The following USO1 variants were observed in gnomAD, a reference collection of about 807,000 sequenced individuals.
USO1 encodes the protein general vesicular transport factor p115.
Under a neutral mutation model 124.5 loss-of-function variants are expected in USO1, and 57 were observed. The ratio of observed to expected loss-of-function variants is 0.46; its 90% CI spans 0.37 to 0.57. The LOEUF is 0.57. Ranked by LOEUF, USO1 falls within the 20% of genes least tolerant of loss-of-function variation. The pLI is 0.00. For synonymous variants in USO1, 369 were observed against 362.8 expected, an observed-to-expected ratio of 1.02 and a Z score of -0.19; for missense variants, 900 against 1,040.6, an observed-to-expected ratio of 0.86 and a Z score of 1.86.
At position 75,813,394 on chromosome 4, in the gene USO1, G is replaced by A. The variant is rs998419244; in HGVS notation, c.*99G>A. 7.7e-7 allele frequency: 1 copy of A among 1,299,162 alleles called. No homozygotes were observed. Among genetic ancestry groups the A allele is most frequent in the Non-Finnish European group, 1.0e-6 (1 of 989,560 alleles). 80.5% of individuals were successfully genotyped at this position (1,299,162 alleles called of 1,614,324 possible). ...ATGGAAAATAAAGATTTAGAAACCA[G>A]GTGGAAAACATTCACTATTAAGACT... On this transcript the variant is annotated 3_prime_UTR_variant, in exon 24 of 24. Coordinates refer to ENST00000514213, the MANE Select transcript of USO1 (RefSeq NM_003715.4).
intron 1 of USO1, chr4:75,725,122 G>A: frequency 1.7e-6 from 1 of 577,186 alleles, no homozygotes. Flanking sequence ...CCGCAGCTCT[G>A]TAGGCCCTGA....
chr4:75,802,736 CTTTTTTTTTTTTTTTTTTT>C (rs997798305), intron 17 of USO1, among the ~76,000 whole-genome samples: 5 of 63,738 alleles, frequency 7.8e-5, no homozygotes, highest in African/African-American at 3.3e-4. Flanking sequence ...TTTTTCTTTT[CTTTTTTTTTTTTTTTTTTT>C]TTTTTTGAGA....
chr4:75,785,607 A>G (rs1008520800), intron 9 of USO1, among the ~76,000 whole-genome samples: 1 of 152,046 alleles, frequency 6.6e-6, no homozygotes, highest in African/African-American at 2.4e-5. Context: ...CCTTGTGAAT[A>G]TTTCATATAT....
Position 75,782,702 on chromosome 4 carries a change from G to T in USO1, c.699G>T (p.Leu233Phe). The T allele has an allele frequency of 1.3e-6, 2 of 1,567,492 alleles. No individual in the cohort carries two copies. The highest frequency in any genetic ancestry group is 1.7e-6 in the Non-Finnish European group (2 of 1,155,790). ...CAGGTATAGTAGTTGAAGATTGTTT[G>T]ATTTTGCTCCAAAACTTATTAAAAA... is the stretch of plus-strand genomic sequence containing the variant. ...SDGGIVVEDC[L>F]ILLQNLLKNN... The change falls in exon 9 of 24, where the codon TTG becomes TTT. Residue 233 changes from leucine to phenylalanine, a missense_variant. Physicochemically the swap from Leu to Phe is conservative, Grantham distance 22. Around this residue, in one of 2 missense-constraint regions of USO1, gnomAD observed 538 missense variants for 681.6 expected, o/e 0.79. Transcript: ENST00000514213.
rs1722026034 is a variant in USO1 at position 75,774,743 on chromosome 4, A to G, written c.623A>G (p.Asn208Ser). The change falls in exon 8 of 24, where the codon AAT becomes AGT. Residue 208 changes from asparagine to serine, a missense_variant. Coordinates refer to ENST00000514213, the MANE Select transcript of USO1 (RefSeq NM_003715.4). ...ATCCAGAAAATTGTTGCTTTTGAAAATGCTTTCGAGAGACTACTGGACATT... is the reference window on the plus strand; with the variant it reads ...ATCCAGAAAATTGTTGCTTTTGAAAGTGCTTTCGAGAGACTACTGGACATT... ...GAIQKIVAFE[N>S]AFERLLDIIS... 1 of 1,613,646 alleles carries G rather than the reference A, an allele frequency of 6.2e-7. No individual in the cohort carries two copies.
intron 1 of USO1, among the ~76,000 whole-genome samples, chr4:75,728,319 C>T (rs1577919045): frequency 6.6e-6 from 1 of 151,714 alleles, no homozygotes; most frequent in East Asian, 1.9e-4. Context: ...TTAAGAGTAA[C>T]TTTGGACTGA....
At chr4:75,794,560 A>G (rs375250130) in intron 13 of USO1, among the ~76,000 whole-genome samples, 1 of 152,356 alleles carries the variant, frequency 6.6e-6, no homozygotes, top group East Asian at 1.9e-4. Flanking sequence ...TTGCTATTGA[A>G]CAGTTCAAGT....
At chr4:75,792,251 T>C (rs903760828) in intron 12 of USO1, among the ~76,000 whole-genome samples, 5 of 151,964 alleles carry the variant, frequency 3.3e-5, no homozygotes, top group African/African-American at 1.2e-4. Context: ...AATACAAAAA[T>C]TTAGGCTGGG....
intron 3 of USO1, 52 bp downstream of exon 3, chr4:75,752,656 T>G (rs1192134870): frequency 5.0e-6 from 2 of 398,110 alleles, no homozygotes; most frequent in Non-Finnish European, 8.9e-6. Context: ...AACTTTTGTT[T>G]TAGAGTCAGC....
chr4:75,781,979 G>A (rs1722233769), intron 8 of USO1, among the ~76,000 whole-genome samples: 1 of 152,080 alleles, frequency 6.6e-6, no homozygotes, highest in Admixed American at 6.6e-5. Context: ...GCTGTAGTGT[G>A]GATGAAACTG....
intron 8 of USO1, among the ~76,000 whole-genome samples, chr4:75,781,710 T>A (rs1722226028): frequency 6.6e-6 from 1 of 152,182 alleles, no homozygotes; most frequent in African/African-American, 2.4e-5. Context: ...ACTCTATTTG[T>A]ACTTACTTTT....
At position 75,788,826 on chromosome 4, in the gene USO1, C is replaced by A. The variant is rs146781839; in HGVS notation, c.997-1324C>A. On this transcript the variant is annotated intron_variant, in intron 10 of 23. Transcript: ENST00000514213. ...AGGATTACAGGCGTGAGCCACTGCA[C>A]CCGGCCGTTATTTGTCTTAATTTTC... Among the ~76,000 whole-genome samples, 869 of 152,164 alleles carry A rather than the reference C, an allele frequency of 5.7e-3. 16 individuals carry two copies. Among genetic ancestry groups the A allele is most frequent in the African/African-American group, 0.02 (813 of 41,532 alleles).
At chr4:75,766,642 A>G (rs543903467) in intron 4 of USO1, among the ~76,000 whole-genome samples, 55 of 152,332 alleles carry the variant, frequency 3.6e-4, no homozygotes, top group African/African-American at 1.3e-3. Context: ...TGATGATGAC[A>G]GTGCTTCTGT....
chr4:75,731,083 C>T (rs1720618400), intron 1 of USO1, among the ~76,000 whole-genome samples: 1 of 152,152 alleles, frequency 6.6e-6, no homozygotes, highest in South Asian at 2.1e-4. Context: ...CAGTATATTA[C>T]TTGGCTGACT....
intron 1 of USO1, among the ~76,000 whole-genome samples, chr4:75,747,107 T>C (rs1721146881): frequency 6.6e-6 from 1 of 152,200 alleles, no homozygotes; most frequent in Non-Finnish European, 1.5e-5. Context: ...GTTTATATGC[T>C]AAGAAAGCTC....
chr4:75,759,407 A>T (rs550254472), intron 4 of USO1, among the ~76,000 whole-genome samples: 1 of 151,564 alleles, frequency 6.6e-6, no homozygotes, highest in Non-Finnish European at 1.5e-5. Flanking sequence ...CAGCCTGGCC[A>T]ACATGGTGAA....
At chr4:75,740,228 C>T (rs1040047447) in intron 1 of USO1, among the ~76,000 whole-genome samples, 5 of 152,124 alleles carry the variant, frequency 3.3e-5, no homozygotes, top group Admixed American at 6.6e-5. Flanking sequence ...TTATATTGAT[C>T]AGTTGATGAA....
At chr4:75,732,988 C>T (rs1258560083) in intron 1 of USO1, among the ~76,000 whole-genome samples, 9 of 148,846 alleles carry the variant, frequency 6.0e-5, no homozygotes, top group African/African-American at 7.5e-5. Context: ...GGGCCGGGTG[C>T]GGTGGCTCAT....
At chr4:75,753,749 A>G (rs949780053) in intron 3 of USO1, among the ~76,000 whole-genome samples, 4 of 151,114 alleles carry the variant, frequency 2.6e-5, no homozygotes, top group Non-Finnish European at 5.9e-5. Flanking sequence ...AAGAAAAAGA[A>G]GCATCATTTA....
Sources: gnomAD v4.1 joint callset for allele counts (sites outside exome capture counted in the v4.1 genomes callset) on GRCh38, gnomAD v4.1.1 for gene constraint, gnomAD v4.1.1 regional missense constraint, MANE v1.5 for transcripts, NCBI Gene and HGNC (gene_info 2026-07-23, HGNC 2026-07-21) for gene names.